The following ACTR2 variants were observed in gnomAD, a reference collection of about 807,000 sequenced individuals.
ACTR2 encodes actin related protein 2, also known as actin-related protein 2.
In ACTR2, 5 loss-of-function variants were observed where a neutral mutation model predicts 50.2. The ratio of observed to expected loss-of-function variants is 0.10; its 90% CI spans 0.05 to 0.21. The LOEUF (loss-of-function observed/expected upper bound fraction) is 0.21. Ranked by LOEUF, ACTR2 falls within the 10% of genes least tolerant of loss-of-function variation. ACTR2 has a pLI of 1.00. For synonymous variants in ACTR2, 140 were observed against 162.9 expected, an observed-to-expected ratio of 0.86 and a Z score of 1.07; for missense variants, 180 against 480.6, an observed-to-expected ratio of 0.37 and a Z score of 5.85.
chr2:65,229,048 C>T (rs145863248), intron 1 of ACTR2, among the ~76,000 whole-genome samples: 6 of 151,996 alleles, frequency 3.9e-5, no homozygotes, highest in African/African-American at 1.4e-4. Context: ...CCACTGCACT[C>T]CAGCCTGGGC....
At position 65,238,972 on chromosome 2, in the gene ACTR2, GAAAT is replaced by G. The variant is rs1671791779; in HGVS notation, c.49-874_49-871del. Reference sequence around the variant, plus strand: ...GACAAGAGTGAAACTCCGTCTCAAAGAAATAAATAGCCAAAAATGCCTAATAAAT... The same window carrying G: ...GACAAGAGTGAAACTCCGTCTCAAAGAAATAGCCAAAAATGCCTAATAAAT... On this transcript the variant is annotated intron_variant, in intron 1 of 8. Coordinates refer to ENST00000260641, the MANE Select transcript of ACTR2 (RefSeq NM_005722.4). 9.2e-5 allele frequency among the ~76,000 whole-genome samples: 14 copies of G among 151,730 alleles called. No individual in the cohort carries two copies. In the South Asian group the frequency reaches 2.9e-3, roughly 32 times the overall value.
At chr2:65,233,107 G>C (rs1671671116) in intron 1 of ACTR2, among the ~76,000 whole-genome samples, 1 of 150,958 alleles carries the variant, frequency 6.6e-6, no homozygotes, top group African/African-American at 2.4e-5. Flanking sequence ...CAATTCTCCT[G>C]CCTCAGCCTC....
At chr2:65,250,758 T>C (rs1672032697) in intron 3 of ACTR2, among the ~76,000 whole-genome samples, 1 of 150,408 alleles carries the variant, frequency 6.6e-6, no homozygotes, top group Non-Finnish European at 1.5e-5. Context: ...TCTTTCACAC[T>C]AATTAGTCAT....
chr2:65,231,970 A>G (rs1671646569), intron 1 of ACTR2, among the ~76,000 whole-genome samples: 2 of 152,250 alleles, frequency 1.3e-5, no homozygotes, highest in South Asian at 4.1e-4. Context: ...GTTTGTACTT[A>G]CGATCACATG....
At chr2:65,261,479 TAAATA>T (rs1242109493) in intron 7 of ACTR2, 87 bp downstream of exon 7, 10 of 1,237,876 alleles carry the variant, frequency 8.1e-6, no homozygotes, top group African/African-American at 6.1e-5. Flanking sequence ...TAGATGGAAT[TAAATA>T]GAATGACTAA....
chr2:65,228,219 C>CT, intron 1 of ACTR2: 1 of 377,488 alleles, frequency 2.6e-6, no homozygotes, highest in Non-Finnish European at 4.7e-6. Context: ...ATGGAGCCTA[C>CT]TGACCGCCCG....
Position 65,260,905 on chromosome 2 carries a change from T to C in ACTR2, c.736-342T>C, listed in dbSNP as rs916554474. On this transcript the variant is annotated intron_variant, in intron 6 of 8. Transcript: ENST00000260641. ...GCCACCACACCCGGCTAATTTTTTG[T>C]ATTTTTAGTAGAGACAGGGTTTCAT... Among the ~76,000 whole-genome samples the C allele has an allele frequency of 2.6e-5, 4 of 151,960 alleles. No homozygotes were observed. The East Asian group carries it at 5.8e-4, about 22-fold the overall frequency.
At chr2:65,257,259 C>A (rs1672167636) in intron 6 of ACTR2, among the ~76,000 whole-genome samples, 1 of 152,048 alleles carries the variant, frequency 6.6e-6, no homozygotes, top group Non-Finnish European at 1.5e-5. Flanking sequence ...CACCCATGCC[C>A]CTGTAAAGGA....
intron 6 of ACTR2, among the ~76,000 whole-genome samples, chr2:65,260,117 A>G (rs768115608): frequency 6.6e-6 from 1 of 152,208 alleles, no homozygotes; most frequent in Non-Finnish European, 1.5e-5. Flanking sequence ...CATTTTTTGG[A>G]TTAAATGATT....
intron 1 of ACTR2, among the ~76,000 whole-genome samples, chr2:65,229,091 A>G (rs138490383): frequency 4.3e-4 from 66 of 152,316 alleles, no homozygotes; most frequent in African/African-American, 1.5e-3. Flanking sequence ...AATTATAAAA[A>G]AAAAAAATTG....
intron 6 of ACTR2, among the ~76,000 whole-genome samples, chr2:65,260,311 C>T (rs567409395): frequency 2.0e-4 from 31 of 152,214 alleles, no homozygotes; most frequent in South Asian, 1.9e-3. Flanking sequence ...AGTTCAAGAC[C>T]GCCTGGTCAA....
chr2:65,253,688 GA>G, intron 4 of ACTR2, 39 bp from the exon 5 acceptor site: 1 of 1,597,200 alleles, frequency 6.3e-7, no homozygotes, highest in Non-Finnish European at 8.5e-7. Context: ...TGGTTTTCCT[GA>G]TTTGACTTTT....
chr2:65,251,613 A>C (rs1196259938), intron 4 of ACTR2, among the ~76,000 whole-genome samples: 1 of 152,208 alleles, frequency 6.6e-6, no homozygotes, highest in Non-Finnish European at 1.5e-5. Flanking sequence ...CGCCCGCCTC[A>C]GCCTCCTGAA....
intron 5 of ACTR2, among the ~76,000 whole-genome samples, 189 bp downstream of exon 5, chr2:65,254,053 A>C (rs530101393): frequency 1.4e-4 from 21 of 152,344 alleles, no homozygotes; most frequent in African/African-American, 5.0e-4. Context: ...AGATACATTA[A>C]AAACAAGGAA....
At chr2:65,240,652 CAAGA>C (rs1671823269) in intron 2 of ACTR2, among the ~76,000 whole-genome samples, 2 of 152,102 alleles carry the variant, frequency 1.3e-5, no homozygotes, top group South Asian at 4.1e-4. Flanking sequence ...CAATATTTGA[CAAGA>C]AAGAGAACAG....
At chr2:65,244,041 C>T (rs1671889797) in intron 2 of ACTR2, among the ~76,000 whole-genome samples, 1 of 152,016 alleles carries the variant, frequency 6.6e-6, no homozygotes, top group Non-Finnish European at 1.5e-5. Flanking sequence ...AGTTAATACT[C>T]CATTTTAAAT....
chr2:65,251,286 C>T (rs1323277781), intron 4 of ACTR2, among the ~76,000 whole-genome samples, 187 bp downstream of exon 4: 1 of 143,172 alleles, frequency 7.0e-6, no homozygotes, highest in Non-Finnish European at 1.5e-5. Context: ...TTTTTATTTG[C>T]TAAATATGTA....
Position 65,227,942 on chromosome 2 carries a change from C to T in ACTR2, c.33C>T (p.Cys11=). Residue 11 remains cysteine (C), a synonymous_variant, in exon 1 of 9, where the codon TGC becomes TGT. Coordinates refer to ENST00000260641, the MANE Select transcript of ACTR2 (RefSeq NM_005722.4). ...GCCAGGGCAGGAAGGTGGTGGTGTG[C>T]GACAACGGCACCGGGGTAAGGGCCG... MDSQGRKVVV[C]DNGTGFVKCG... is the part of the protein sequence containing the mutation. 6.6e-7 allele frequency: 1 copy of T among 1,521,004 alleles called. No individual in the cohort carries two copies. Among genetic ancestry groups the T allele is most frequent in the Non-Finnish European group, 8.8e-7 (1 of 1,135,328 alleles). The allele number at this position is 1,521,004 out of a possible 1,614,324, so 94.2% of individuals were successfully genotyped here. A position where few individuals can be genotyped will look rare whatever the true frequency, so the allele number is the denominator to read the frequency against.
intron 2 of ACTR2, among the ~76,000 whole-genome samples, chr2:65,243,100 G>A (rs1671872904): frequency 1.3e-5 from 2 of 152,166 alleles, no homozygotes; most frequent in East Asian, 1.9e-4. Flanking sequence ...CGAACATGGT[G>A]AAGCCCCATC....
Sources: allele counts gnomAD v4.1 joint callset (sites outside exome capture counted in the v4.1 genomes callset), GRCh38; gene constraint gnomAD v4.1.1; transcripts MANE v1.5; gene names NCBI Gene and HGNC (gene_info 2026-07-23, HGNC 2026-07-21).